Variants in BST1 observed in about 807,000 individuals in gnomAD.
BST1 encodes bone marrow stromal cell antigen 1.
In BST1, 49 loss-of-function variants were observed where a neutral mutation model predicts 40.6. That is an observed-to-expected ratio of 1.21 (90% CI 0.96 to 1.53). BST1 has a LOEUF of 1.53. Among genes scored for constraint, BST1 ranks in the 40% most tolerant of loss-of-function variants. The pLI is 0.00. For missense variants in BST1, 423 were observed against 395.9 expected (o/e 1.07, Z -0.58); for synonymous variants, 157 against 159.3 (o/e 0.99, Z 0.11).
At chr4:15,712,624 T>C (rs895863761) in intron 4 of BST1, among the ~76,000 whole-genome samples, 2 of 152,154 alleles carry the variant, frequency 1.3e-5, no homozygotes, top group African/African-American at 4.8e-5. Flanking sequence ...TTCAGTCCCA[T>C]CTTCTACCCT....
Position 15,715,806 on chromosome 4 carries a change from T to G in BST1, c.704+7T>G, listed in dbSNP as rs1322455119. 2 of 1,544,120 alleles carry G rather than the reference T, an allele frequency of 1.3e-6. No individual in the cohort carries two copies. Among genetic ancestry groups the G allele is most frequent in the Non-Finnish European group, 1.8e-6 (2 of 1,140,686 alleles). ...AAATTGGGGGACCCAATGTGTAAGT[T>G]ATGGTGATATTGATGATGATAATTG... On this transcript the variant is annotated splice_region_variant and intron_variant, in intron 6 of 8. Coordinates refer to ENST00000265016, the MANE Select transcript of BST1 (RefSeq NM_004334.3).
At chr4:15,719,656 T>C (rs951396310) in intron 7 of BST1, among the ~76,000 whole-genome samples, 1 of 152,312 alleles carries the variant, frequency 6.6e-6, no homozygotes. Flanking sequence ...TTGCAAAAAC[T>C]GAGTGGTTTT....
chr4:15,755,160 A>G, the BST1 span, among the ~76,000 whole-genome samples: 1 of 151,518 alleles, frequency 6.6e-6, no homozygotes, highest in Admixed American at 6.6e-5. Flanking sequence ...TTTTTTTGAG[A>G]TGGAGTCTCA....
the BST1 span, among the ~76,000 whole-genome samples, chr4:15,754,271 G>T: frequency 6.6e-6 from 1 of 152,156 alleles, no homozygotes. Context: ...GAACAATAGA[G>T]GCTTCATGAG....
the BST1 span, among the ~76,000 whole-genome samples, chr4:15,746,188 G>T: frequency 1.1e-3 from 175 of 152,320 alleles, no homozygotes; most frequent in Non-Finnish European, 2.1e-3. Flanking sequence ...GCTACCACTT[G>T]GCTAAATTAT....
chr4:15,736,721 T>C (rs953696841), downstream of BST1, among the ~76,000 whole-genome samples: 1 of 152,184 alleles, frequency 6.6e-6, no homozygotes, highest in Non-Finnish European at 1.5e-5. Flanking sequence ...CTTCTCTCAG[T>C]TCCGTATTCT....
chr4:15,726,996 G>A (rs1721151631), intron 8 of BST1, among the ~76,000 whole-genome samples: 2 of 150,972 alleles, frequency 1.3e-5, no homozygotes, highest in South Asian at 2.1e-4. Flanking sequence ...TCAGCCTCCC[G>A]AGTTTTCCTC....
At chr4:15,747,130 C>A in the BST1 span, among the ~76,000 whole-genome samples, 2 of 152,196 alleles carry the variant, frequency 1.3e-5, no homozygotes, top group East Asian at 3.8e-4. Context: ...AGACACCAGT[C>A]TGGGAACTGG....
intron 8 of BST1, among the ~76,000 whole-genome samples, chr4:15,730,195 A>G (rs1721303946): frequency 6.6e-6 from 1 of 152,246 alleles, no homozygotes; most frequent in Admixed American, 6.5e-5. Flanking sequence ...AGGAACTTTT[A>G]AGGACAGGGC....
At chr4:15,758,323 C>A in the BST1 span, among the ~76,000 whole-genome samples, 1 of 152,046 alleles carries the variant, frequency 6.6e-6, no homozygotes, top group Admixed American at 6.6e-5. Flanking sequence ...TAGTCCCCAG[C>A]GTCTATTGTT....
At chr4:15,765,703 G>T in the BST1 span, among the ~76,000 whole-genome samples, 2 of 152,070 alleles carry the variant, frequency 1.3e-5, no homozygotes, top group South Asian at 2.1e-4. Flanking sequence ...CTGGAGCCCT[G>T]TTCCCCCAGA....
intron 1 of BST1, among the ~76,000 whole-genome samples, chr4:15,703,641 TGTGCGCGCGCTCTAGAGGTGGGAG>T (rs559033385): frequency 7.3e-5 from 10 of 137,220 alleles, no homozygotes; most frequent in South Asian, 2.4e-4. Flanking sequence ...GGGGTGTGTG[TGTGCGCGCGCTCTAGAGGTGGGAG>T]GTGTGTGTGT....
chr4:15,726,014 T>C (rs1721089991), intron 8 of BST1, among the ~76,000 whole-genome samples: 1 of 137,826 alleles, frequency 7.3e-6, no homozygotes, highest in African/African-American at 2.7e-5. Flanking sequence ...CAGGCTGTAG[T>C]GCAGTGGCAC....
At position 15,731,953 on chromosome 4, in the gene BST1, T is replaced by C; in HGVS notation, c.*108T>C. The C allele has an allele frequency of 7.2e-7, 1 of 1,397,570 alleles. No individual in the cohort carries two copies. The highest frequency in any genetic ancestry group is 3.2e-5 in the Admixed American group (1 of 31,278). 86.6% of individuals were successfully genotyped at this position (1,397,570 alleles called of 1,614,324 possible). ...GATTCTGTTATCTAAAGAAGCTTTT[T>C]GCTGGGAAAACGATGTCCTGAAAAT... On this transcript the variant is annotated 3_prime_UTR_variant, in exon 9 of 9. Coordinates refer to ENST00000265016, the MANE Select transcript of BST1 (RefSeq NM_004334.3).
chr4:15,707,013 T>C (rs1719914907), intron 2 of BST1, among the ~76,000 whole-genome samples: 1 of 152,184 alleles, frequency 6.6e-6, no homozygotes, highest in South Asian at 2.1e-4. Context: ...AACTATAAAG[T>C]ATAATATAAA....
the BST1 span, among the ~76,000 whole-genome samples, chr4:15,764,007 T>C: frequency 1.3e-5 from 2 of 152,056 alleles, no homozygotes; most frequent in African/African-American, 4.8e-5. Flanking sequence ...TTGAAACCTC[T>C]AGAATGTACA....
intron 2 of BST1, 65 bp downstream of exon 2, chr4:15,705,706 G>A: frequency 6.3e-7 from 1 of 1,582,276 alleles, no homozygotes; most frequent in Non-Finnish European, 8.7e-7. Context: ...ATGGTGCATG[G>A]GCCAGGTTGA....
chr4:15,724,364 T>C (rs1490079300), intron 8 of BST1, among the ~76,000 whole-genome samples: 2 of 152,240 alleles, frequency 1.3e-5, no homozygotes, highest in African/African-American at 2.4e-5. Context: ...CTACATAAAA[T>C]AGTATGTTTA....
At chr4:15,730,833 T>C (rs10516290) in intron 8 of BST1, 14,056 of 163,836 alleles carry the variant, frequency 0.086, 1,340 homozygotes, top group East Asian at 0.53. Flanking sequence ...AAAGTGCAAA[T>C]GGGGAGACTA....
Sources: gnomAD v4.1 joint callset for allele counts (sites outside exome capture counted in the v4.1 genomes callset) on GRCh38, gnomAD v4.1.1 for gene constraint, MANE v1.5 for transcripts, NCBI Gene and HGNC (gene_info 2026-07-23, HGNC 2026-07-21) for gene names.